Variants in KCNQ5 observed in about 807,000 individuals in gnomAD.
The protein encoded by KCNQ5 is potassium voltage-gated channel subfamily KQT member 5.
A neutral mutation model predicts 98.2 loss-of-function variants in KCNQ5; 30 were observed. The observed-to-expected ratio is 0.31, with a 90% CI of 0.23 to 0.41. The LOEUF is 0.41. KCNQ5 is among the 10% of genes least tolerant of loss of function. The probability of loss-of-function intolerance (pLI) is 1.00; values close to 1 mark genes in which losing one functional copy is unlikely to be tolerated. For missense variants in KCNQ5, 835 were observed against 1,182.5 expected, an observed-to-expected ratio of 0.71 and a Z score of 4.31; for synonymous variants, 458 against 449.4, an observed-to-expected ratio of 1.02 and a Z score of -0.24.
intron 1 of KCNQ5, among the ~76,000 whole-genome samples, chr6:72,920,388 CA>C (rs1252089442): frequency 6.6e-6 from 1 of 152,112 alleles, no homozygotes. Context: ...ATTGGTAAAC[CA>C]AAAGAATGGT....
intron 9 of KCNQ5, among the ~76,000 whole-genome samples, chr6:73,132,016 C>T (rs1035202856): frequency 6.6e-6 from 1 of 152,208 alleles, no homozygotes; most frequent in African/African-American, 2.4e-5. Context: ...TGTAAACACA[C>T]ATAAAACGTG....
chr6:72,803,995 T>G (rs1774813878), intron 1 of KCNQ5, among the ~76,000 whole-genome samples: 1 of 152,140 alleles, frequency 6.6e-6, no homozygotes. Context: ...TAGATTGATA[T>G]AAACTTGTGC....
intron 1 of KCNQ5, among the ~76,000 whole-genome samples, chr6:72,683,596 T>G (rs1171320022): frequency 6.6e-6 from 1 of 151,974 alleles, no homozygotes; most frequent in Non-Finnish European, 1.5e-5. Flanking sequence ...CTTGATTTCC[T>G]GAACTCATGA....
intron 10 of KCNQ5, chr6:73,157,739 C>A: frequency 2.6e-6 from 2 of 777,834 alleles, no homozygotes; most frequent in Non-Finnish European, 4.8e-6. Context: ...GGGTCCCGAG[C>A]GATGAAGTAA....
At chr6:72,820,359 A>T (rs1306590820) in intron 1 of KCNQ5, among the ~76,000 whole-genome samples, 3 of 152,192 alleles carry the variant, frequency 2.0e-5, no homozygotes, top group African/African-American at 7.2e-5. Context: ...AGTCAGGATG[A>T]CGAAGTGTGT....
intron 2 of KCNQ5, among the ~76,000 whole-genome samples, chr6:73,041,365 GC>G (rs1219040304): frequency 6.6e-6 from 1 of 152,182 alleles, no homozygotes; most frequent in Admixed American, 6.5e-5. Context: ...CTCATTTCTG[GC>G]AAAGGATATG....
chr6:72,637,606 C>A (rs935391801), intron 1 of KCNQ5, among the ~76,000 whole-genome samples: 2 of 152,120 alleles, frequency 1.3e-5, no homozygotes, highest in African/African-American at 4.8e-5. Context: ...TTAAAGACTA[C>A]ATACTTCAAA....
intron 1 of KCNQ5, among the ~76,000 whole-genome samples, chr6:72,935,119 G>T (rs569251853): frequency 7.2e-6 from 1 of 138,414 alleles, no homozygotes; most frequent in Admixed American, 7.8e-5. Context: ...TCACCAGGCT[G>T]GAGTGCAATG....
chr6:73,042,183 G>C, intron 3 of KCNQ5, 121 bp downstream of exon 3: 1 of 1,134,546 alleles, frequency 8.8e-7, no homozygotes, highest in East Asian at 2.4e-5. Context: ...ATCATGGACC[G>C]GGCACTCTTG....
intron 3 of KCNQ5, among the ~76,000 whole-genome samples, chr6:73,063,715 G>A (rs1772913945): frequency 9.8e-6 from 1 of 101,950 alleles, no homozygotes; most frequent in Non-Finnish European, 2.1e-5. Flanking sequence ...TAGATAGATA[G>A]ATAGATGATA....
chr6:73,039,798 G>A (rs2150356061), intron 2 of KCNQ5, among the ~76,000 whole-genome samples: 1 of 152,256 alleles, frequency 6.6e-6, no homozygotes, highest in Non-Finnish European at 1.5e-5. Flanking sequence ...GATGTTGGGT[G>A]AAATGTCTCA....
chr6:72,835,279 A>T (rs906867989), intron 1 of KCNQ5, among the ~76,000 whole-genome samples: 3 of 152,110 alleles, frequency 2.0e-5, no homozygotes, highest in African/African-American at 7.2e-5. Flanking sequence ...AATTAATCTG[A>T]ATTAATACCC....
intron 1 of KCNQ5, among the ~76,000 whole-genome samples, chr6:72,861,491 T>G (rs1777760658): frequency 6.6e-6 from 1 of 152,146 alleles, no homozygotes; most frequent in Non-Finnish European, 1.5e-5. Context: ...CACCAGAATG[T>G]CCCTAAGTAA....
chr6:73,029,479 T>G (rs568431163), intron 2 of KCNQ5, among the ~76,000 whole-genome samples: 3 of 141,772 alleles, frequency 2.1e-5, no homozygotes, highest in Admixed American at 7.4e-5. Flanking sequence ...GTAGTTCTCT[T>G]GTTTTTATCC....
At chr6:72,727,877 G>C (rs1770368603) in intron 1 of KCNQ5, among the ~76,000 whole-genome samples, 1 of 151,986 alleles carries the variant, frequency 6.6e-6, no homozygotes, top group Non-Finnish European at 1.5e-5. Flanking sequence ...GTCTTCCCAT[G>C]GCCTTAAGTT....
intron 1 of KCNQ5, chr6:72,987,247 C>CA: frequency 1.4e-6 from 1 of 690,526 alleles, no homozygotes; most frequent in Non-Finnish European, 2.8e-6. Flanking sequence ...AGTGGGGCAG[C>CA]AAGAGACCCT....
intron 1 of KCNQ5, among the ~76,000 whole-genome samples, chr6:72,686,898 A>C (rs1442199318): frequency 6.6e-6 from 1 of 152,122 alleles, no homozygotes; most frequent in Non-Finnish European, 1.5e-5. Context: ...AATCTATCAA[A>C]TAAGGGAACA....
chr6:73,169,620 C>T (rs1777929954), intron 10 of KCNQ5, 126 bp from the exon 11 acceptor site: 2 of 687,044 alleles, frequency 2.9e-6, no homozygotes, highest in Non-Finnish European at 5.3e-6. Flanking sequence ...ATTGGCTGAC[C>T]TTATACATAT....
chr6:73,152,681 C>T (rs988495200), intron 10 of KCNQ5, among the ~76,000 whole-genome samples: 4 of 152,098 alleles, frequency 2.6e-5, no homozygotes, highest in Non-Finnish European at 4.4e-5. Context: ...ATGTTGGAGA[C>T]TAGAAGGGTG....
Sources: gnomAD v4.1 joint callset for allele counts (sites outside exome capture counted in the v4.1 genomes callset) on GRCh38, gnomAD v4.1.1 for gene constraint, MANE v1.5 for transcripts, NCBI Gene and HGNC (gene_info 2026-07-23, HGNC 2026-07-21) for gene names.